Variants in B3GALT1 observed in about 807,000 individuals in gnomAD.
The protein encoded by B3GALT1 is beta-1,3-galactosyltransferase 1.
A neutral mutation model predicts 23.2 loss-of-function variants in B3GALT1; 10 were observed. The observed-to-expected ratio is 0.43, with a 90% confidence interval of 0.27 to 0.73. The LOEUF (loss-of-function observed/expected upper bound fraction) is 0.73. Ranked by LOEUF, B3GALT1 falls within the 30% of genes least tolerant of loss-of-function variation. The probability of loss-of-function intolerance (pLI) is 0.21; values close to 1 mark genes in which losing one functional copy is unlikely to be tolerated. For missense variants in B3GALT1, 299 were observed against 405.4 expected (o/e 0.74, Z 2.25); for synonymous variants, 156 against 141.5 (o/e 1.10, Z -0.73).
rs193168857 is a variant in B3GALT1 at position 167,444,863 on chromosome 2, C to G, written c.-510-45314C>G. Among the ~76,000 whole-genome samples, 847 of 152,222 alleles carry G rather than the reference C, an allele frequency of 5.6e-3. 9 individuals are homozygous for G. Among genetic ancestry groups the G allele is most frequent in the African/African-American group, 0.02 (811 of 41,526 alleles). On this transcript the variant is annotated intron_variant, in intron 1 of 4. Coordinates refer to ENST00000392690, the MANE Select transcript of B3GALT1 (RefSeq NM_020981.4). ...TGAAGAGTTTTTTGTGTCTGTATCT[C>G]CTTCAGTTCTGCTCTGATGTTAATT...
Position 167,533,069 on chromosome 2 carries a change from C to G in B3GALT1, c.-410+42792C>G, listed in dbSNP as rs1574122998. Among the ~76,000 whole-genome samples, 2 of 151,168 alleles carry G rather than the reference C, an allele frequency of 1.3e-5. 1 individual carries two copies. The highest frequency in any genetic ancestry group is 6.8e-3 in the Middle Eastern group (2 of 294). ...AGAGACGGGGTTTCTCTATGTTGGT[C>G]AGGCTGGTCTCGAACACTTGACATC... On this transcript the variant is annotated intron_variant, in intron 2 of 4. Transcript: ENST00000392690.
At chr2:167,484,420 A>G (rs1699597255) in intron 1 of B3GALT1, among the ~76,000 whole-genome samples, 1 of 152,184 alleles carries the variant, frequency 6.6e-6, no homozygotes, top group South Asian at 2.1e-4. Context: ...TTGGATTACA[A>G]CTTGATTTTA....
At chr2:167,472,418 C>T (rs958196806) in intron 1 of B3GALT1, among the ~76,000 whole-genome samples, 4 of 152,124 alleles carry the variant, frequency 2.6e-5, no homozygotes, top group African/African-American at 9.7e-5. Flanking sequence ...CCTACCAACA[C>T]CTTCCCAATT....
intron 1 of B3GALT1, among the ~76,000 whole-genome samples, chr2:167,320,557 A>G (rs1221211060): frequency 1.3e-5 from 2 of 151,982 alleles, no homozygotes; most frequent in Non-Finnish European, 2.9e-5. Flanking sequence ...GTAGAGCTGG[A>G]CATTGCCATG....
At chr2:167,829,862 A>AG (rs1161817203) in intron 4 of B3GALT1, among the ~76,000 whole-genome samples, 4 of 152,158 alleles carry the variant, frequency 2.6e-5, no homozygotes, top group African/African-American at 4.8e-5. Flanking sequence ...TGCTCCAAGG[A>AG]GGGGTGCAAA....
At chr2:167,756,402 C>G (rs1475330682) in intron 3 of B3GALT1, among the ~76,000 whole-genome samples, 1 of 152,154 alleles carries the variant, frequency 6.6e-6, no homozygotes, top group Non-Finnish European at 1.5e-5. Context: ...ACATGTTGGT[C>G]TATGTAGACA....
intron 4 of B3GALT1, among the ~76,000 whole-genome samples, chr2:167,819,044 G>A (rs190391280): frequency 7.2e-5 from 11 of 152,056 alleles, no homozygotes; most frequent in Admixed American, 2.0e-4. Flanking sequence ...TGTGTAGGAC[G>A]TGCAGGAAAA....
In B3GALT1 at chr2:167,616,427, G is replaced by A. The variant is rs58696341; in HGVS notation, c.-409-30482G>A. ...AAATATATAATAAAATGTAGGCCAG[G>A]CACGGTGGCTCACACATGTAATCCC... On this transcript the variant is annotated intron_variant, in intron 2 of 4. Coordinates refer to ENST00000392690, the MANE Select transcript of B3GALT1 (RefSeq NM_020981.4). Among the ~76,000 whole-genome samples the A allele has an allele frequency of 5.8e-3, 880 of 152,126 alleles. 12 individuals are homozygous for A. Among genetic ancestry groups the A allele is most frequent in the African/African-American group, 0.02 (829 of 41,494 alleles).
chr2:167,723,873 T>TCA (rs1687269810), intron 3 of B3GALT1, among the ~76,000 whole-genome samples: 1 of 152,208 alleles, frequency 6.6e-6, no homozygotes, highest in African/African-American at 2.4e-5. Context: ...GAACTTCATC[T>TCA]CATTAGCCTA....
At chr2:167,554,326 A>G (rs906819114) in intron 2 of B3GALT1, among the ~76,000 whole-genome samples, 1 of 152,190 alleles carries the variant, frequency 6.6e-6, no homozygotes, top group Non-Finnish European at 1.5e-5. Flanking sequence ...CAAGTTGTTA[A>G]ATTTGTACAT....
At chr2:167,486,666 C>T (rs1197050425) in intron 1 of B3GALT1, among the ~76,000 whole-genome samples, 1 of 151,826 alleles carries the variant, frequency 6.6e-6, no homozygotes, top group Non-Finnish European at 1.5e-5. Flanking sequence ...TGCAGTGAGC[C>T]GAGATCACAC....
intron 3 of B3GALT1, among the ~76,000 whole-genome samples, chr2:167,721,136 G>A (rs1183358162): frequency 2.0e-5 from 3 of 151,926 alleles, no homozygotes; most frequent in Admixed American, 1.3e-4. Context: ...TGCTGTGCAG[G>A]TGTTATTCGT....
intron 3 of B3GALT1, among the ~76,000 whole-genome samples, chr2:167,660,081 G>A (rs1686029820): frequency 6.6e-6 from 1 of 152,056 alleles, no homozygotes; most frequent in Admixed American, 6.6e-5. Context: ...GTGCCAATTT[G>A]TAAACTAGGT....
chr2:167,854,242 T>C (rs991215318), intron 4 of B3GALT1, among the ~76,000 whole-genome samples: 1 of 152,046 alleles, frequency 6.6e-6, no homozygotes, highest in Non-Finnish European at 1.5e-5. Flanking sequence ...ATAGAGACAA[T>C]GGTGTGTGGC....
chr2:167,729,910 C>T (rs1204600312), intron 3 of B3GALT1, among the ~76,000 whole-genome samples: 1 of 152,142 alleles, frequency 6.6e-6, no homozygotes, highest in Non-Finnish European at 1.5e-5. Context: ...ACAGGTCTTC[C>T]TCCTCCAATT....
rs193234450 is a variant in B3GALT1 at position 167,796,096 on chromosome 2, A to G, written c.-351-22576A>G. Among the ~76,000 whole-genome samples the G allele has an allele frequency of 1.8e-3, 279 of 152,352 alleles. 1 individual carries two copies. Among genetic ancestry groups the G allele is most frequent in the Middle Eastern group, 3.4e-3 (1 of 294 alleles). On this transcript the variant is annotated intron_variant, in intron 3 of 4. Coordinates refer to ENST00000392690, the MANE Select transcript of B3GALT1 (RefSeq NM_020981.4). The stretch of plus-strand genomic sequence containing the variant: ...TCCCTCTTTATGCAAAAATCATTCC[A>G]GAACTTAATGTCAAAATAACTTAGT...
intron 4 of B3GALT1, among the ~76,000 whole-genome samples, chr2:167,831,862 A>AAGAT (rs994665968): frequency 2.0e-5 from 3 of 152,198 alleles, no homozygotes; most frequent in Non-Finnish European, 2.9e-5. Context: ...AATGACTCAA[A>AAGAT]AGATAGTGTC....
chr2:167,841,541 C>T (rs1335218730), intron 4 of B3GALT1, among the ~76,000 whole-genome samples: 1 of 152,230 alleles, frequency 6.6e-6, no homozygotes, highest in African/African-American at 2.4e-5. Context: ...GCAAACCTGG[C>T]TGCAATGATG....
intron 1 of B3GALT1, among the ~76,000 whole-genome samples, chr2:167,437,795 G>T (rs1269715600): frequency 6.6e-6 from 1 of 152,080 alleles, no homozygotes; most frequent in Admixed American, 6.5e-5. Context: ...AGACTGTCTT[G>T]TGTTGCCTTT....
Sources: gnomAD v4.1 joint callset for allele counts (sites outside exome capture counted in the v4.1 genomes callset) on GRCh38, gnomAD v4.1.1 for gene constraint, MANE v1.5 for transcripts, NCBI Gene and HGNC (gene_info 2026-07-23, HGNC 2026-07-21) for gene names.